Variants in ERBB4 observed in about 807,000 individuals in gnomAD.
The protein encoded by ERBB4 is erb-b2 receptor tyrosine kinase 4.
Under a neutral mutation model 158.0 loss-of-function variants are expected in ERBB4, and 42 were observed. The ratio of observed to expected loss-of-function variants is 0.27; its 90% CI spans 0.21 to 0.34. The LOEUF (loss-of-function observed/expected upper bound fraction) is 0.34, where lower values mean the gene tolerates loss of function less well. Ranked by LOEUF, ERBB4 falls within the 10% of genes least tolerant of loss-of-function variation. ERBB4 has a pLI of 1.00. For synonymous variants in ERBB4, 583 were observed against 558.7 expected (o/e 1.04, Z -0.61); for missense variants, 1,333 against 1,624.1 (o/e 0.82, Z 3.08).
At chr2:212,537,176 C>CGGGAAAA (rs1560585539) in intron 1 of ERBB4, among the ~76,000 whole-genome samples, 1 of 144,534 alleles carries the variant, frequency 6.9e-6, no homozygotes, top group East Asian at 2.0e-4. Context: ...CTACAGCTAG[C>CGGGAAAA]CGTTTTCTTG....
chr2:212,235,394 T>C (rs2083827957), intron 1 of ERBB4, among the ~76,000 whole-genome samples: 1 of 152,186 alleles, frequency 6.6e-6, no homozygotes, highest in Admixed American at 6.5e-5. Context: ...TAGTATTGCT[T>C]GAAGTCAGGT....
At chr2:212,495,030 T>C (rs75864780) in intron 1 of ERBB4, among the ~76,000 whole-genome samples, 3,564 of 152,232 alleles carry the variant, frequency 0.023, 106 homozygotes, top group South Asian at 0.08. Flanking sequence ...GAAACTTACA[T>C]TGAAAATTAA....
At chr2:211,573,716 AT>A (rs2067809091) in intron 19 of ERBB4, among the ~76,000 whole-genome samples, 2 of 151,804 alleles carry the variant, frequency 1.3e-5, no homozygotes, top group African/African-American at 4.8e-5. Flanking sequence ...TTAAAAAAAA[AT>A]GTTTCAGAAG....
intron 2 of ERBB4, among the ~76,000 whole-genome samples, chr2:211,976,408 ATTATC>A (rs1397353113): frequency 2.0e-5 from 3 of 152,232 alleles, no homozygotes; most frequent in Non-Finnish European, 4.4e-5. Flanking sequence ...AATATTTTAC[ATTATC>A]TTATCTTAGC....
intron 1 of ERBB4, among the ~76,000 whole-genome samples, chr2:212,376,265 G>T (rs2090318176): frequency 1.3e-5 from 2 of 151,980 alleles, no homozygotes; most frequent in Admixed American, 6.6e-5. Flanking sequence ...GTATGACCCA[G>T]AAGACAAAGC....
At chr2:212,529,597 G>T (rs971414834) in intron 1 of ERBB4, among the ~76,000 whole-genome samples, 2 of 152,066 alleles carry the variant, frequency 1.3e-5, no homozygotes, top group Admixed American at 6.6e-5. Flanking sequence ...ATTCATGAAC[G>T]AGCTTAAAAT....
intron 1 of ERBB4, among the ~76,000 whole-genome samples, chr2:212,357,551 T>C (rs1041051621): frequency 2.0e-5 from 3 of 151,866 alleles, no homozygotes; most frequent in East Asian, 3.9e-4. Flanking sequence ...TTTAAAAACA[T>C]GTCACCTTTC....
At chr2:212,080,632 A>G (rs1012666694) in intron 2 of ERBB4, among the ~76,000 whole-genome samples, 1 of 150,380 alleles carries the variant, frequency 6.6e-6, no homozygotes, top group Non-Finnish European at 1.5e-5. Context: ...AATTTAGCAG[A>G]TGATTTTGCG....
intron 9 of ERBB4, among the ~76,000 whole-genome samples, chr2:211,708,809 G>A (rs750795953): frequency 6.6e-6 from 1 of 152,026 alleles, no homozygotes; most frequent in Non-Finnish European, 1.5e-5. Flanking sequence ...CATTTCTCAA[G>A]TTTTTTTATT....
chr2:211,561,995 T>G lies in ERBB4; in HGVS notation c.2395A>C (p.Met799Leu), dbSNP rs753682457. Reference sequence around the variant, plus strand: ...TACTCCAACAGGCAGCCATGGGGCATAAGTTGAGTAACCAGCTGGATGGTT... The same window carrying G: ...TACTCCAACAGGCAGCCATGGGGCAGAAGTTGAGTAACCAGCTGGATGGTT... ...SPTIQLVTQL[M>L]PHGCLLEYVH... The change falls in exon 20 of 28, where the codon ATG (methionine) becomes CTG (leucine). Residue 799 changes from methionine to leucine, a missense_variant. Physicochemically the swap from Met to Leu is conservative, Grantham distance 15. Around this residue, in one of 5 missense-constraint regions of ERBB4, gnomAD observed 314 missense variants for 437.6 expected, o/e 0.72. Coordinates refer to ENST00000342788, the MANE Select transcript of ERBB4 (RefSeq NM_005235.3). 1.2e-6 allele frequency: 2 copies of G among 1,614,148 alleles called. No individual in the cohort carries two copies. The highest frequency in any genetic ancestry group is 1.7e-6 in the Non-Finnish European group (2 of 1,180,022).
intron 16 of ERBB4, among the ~76,000 whole-genome samples, chr2:211,634,703 C>T (rs1353670429): frequency 2.0e-5 from 3 of 151,998 alleles, no homozygotes; most frequent in South Asian, 4.1e-4. Flanking sequence ...TAGATGGAGT[C>T]TTGCTCTGTT....
At chr2:211,883,548 C>T (rs2078718521) in intron 3 of ERBB4, among the ~76,000 whole-genome samples, 2 of 152,198 alleles carry the variant, frequency 1.3e-5, no homozygotes, top group African/African-American at 2.4e-5. Flanking sequence ...GAGGCCGAGG[C>T]GTGAAGATTG....
intron 25 of ERBB4, among the ~76,000 whole-genome samples, chr2:211,402,138 C>CTGTT (rs1173102248): frequency 3.3e-5 from 5 of 152,016 alleles, no homozygotes; most frequent in Non-Finnish European, 7.4e-5. Context: ...GGAACCACTA[C>CTGTT]TGTTTTTATC....
chr2:211,877,427 G>A (rs1410478332), intron 3 of ERBB4, among the ~76,000 whole-genome samples: 3 of 152,102 alleles, frequency 2.0e-5, no homozygotes, highest in African/African-American at 7.2e-5. Flanking sequence ...ATTAATAGCT[G>A]AGCCTAATAT....
intron 1 of ERBB4, among the ~76,000 whole-genome samples, chr2:212,510,934 A>G (rs560856182): frequency 6.6e-6 from 1 of 152,232 alleles, no homozygotes; most frequent in East Asian, 1.9e-4. Flanking sequence ...TTTCATGACT[A>G]TTTGATTTAT....
intron 20 of ERBB4, among the ~76,000 whole-genome samples, chr2:211,432,381 C>T (rs892335800): frequency 2.6e-5 from 4 of 152,136 alleles, no homozygotes; most frequent in South Asian, 4.1e-4. Context: ...CATATAAATG[C>T]ACATTAAACA....
chr2:211,484,221 G>A (rs933018687), intron 20 of ERBB4, among the ~76,000 whole-genome samples: 1 of 151,898 alleles, frequency 6.6e-6, no homozygotes, highest in Admixed American at 6.6e-5. Flanking sequence ...AAAAACGGGA[G>A]GGAAAAAAGA....
chr2:211,528,561 C>T (rs567033347), intron 20 of ERBB4, among the ~76,000 whole-genome samples: 2 of 151,894 alleles, frequency 1.3e-5, no homozygotes, highest in Non-Finnish European at 2.9e-5. Flanking sequence ...ATACAAATTC[C>T]TTTCCTCAGC....
intron 1 of ERBB4, among the ~76,000 whole-genome samples, chr2:212,444,889 G>A (rs2092319086): frequency 6.6e-6 from 1 of 151,778 alleles, no homozygotes; most frequent in Non-Finnish European, 1.5e-5. Flanking sequence ...AAGGGCAGAG[G>A]TTTGTCCTCA....
Sources: allele counts gnomAD v4.1 joint callset (sites outside exome capture counted in the v4.1 genomes callset), GRCh38; gene constraint gnomAD v4.1.1; regional missense constraint gnomAD v4.1.1; transcripts MANE v1.5; gene names NCBI Gene and HGNC (gene_info 2026-07-23, HGNC 2026-07-21).